Variants in PITPNA observed in about 807,000 individuals in gnomAD.
PITPNA encodes the protein phosphatidylinositol transfer protein alpha isoform.
In PITPNA, 13 loss-of-function variants were observed where a neutral mutation model predicts 50.3. That is an observed-to-expected ratio of 0.26 (90% confidence interval 0.17 to 0.41). The LOEUF (loss-of-function observed/expected upper bound fraction) is 0.41. Ranked by LOEUF, PITPNA falls within the 10% of genes least tolerant of loss-of-function variation. The pLI is 1.00. For synonymous variants in PITPNA, 120 were observed against 119.6 expected (o/e 1.00, Z -0.02); for missense variants, 207 against 333.4 (o/e 0.62, Z 2.95).
At chr17:1,557,224 T>C (rs532240108) in intron 2 of PITPNA, among the ~76,000 whole-genome samples, 1 of 152,054 alleles carries the variant, frequency 6.6e-6, no homozygotes, top group East Asian at 1.9e-4. Context: ...TCTTATCAGA[T>C]ATGTAGCCCA....
chr17:1,523,157 A>G (rs1407255936), intron 10 of PITPNA, among the ~76,000 whole-genome samples: 1 of 145,910 alleles, frequency 6.9e-6, no homozygotes, highest in Non-Finnish European at 1.5e-5. Flanking sequence ...CCAGGCAGAC[A>G]TCACTGGGGA....
At chr17:1,535,761 C>T (rs1385927906) in intron 7 of PITPNA, 2 of 529,670 alleles carry the variant, frequency 3.8e-6, no homozygotes, top group Non-Finnish European at 6.8e-6. Context: ...TATCACCAGA[C>T]TGTCTGAGCA....
chr17:1,560,661 G>A (rs1260764128), intron 1 of PITPNA, among the ~76,000 whole-genome samples: 1 of 152,154 alleles, frequency 6.6e-6, no homozygotes, highest in Non-Finnish European at 1.5e-5. Flanking sequence ...GTTCATTTGG[G>A]AACAGGAAAA....
Position 1,520,360 on chromosome 17 carries a change from G to A in PITPNA, c.*201C>T, listed in dbSNP as rs574308790. The A allele has an allele frequency of 1.1e-3, 174 of 152,520 alleles. 1 individual carries two copies. The highest frequency in any genetic ancestry group is 2.0e-3 in the Non-Finnish European group (136 of 68,032). The allele number at this position is 152,520 out of a possible 1,614,324, so 9.4% of individuals were successfully genotyped here. A position where few individuals can be genotyped will look rare whatever the true frequency, so the allele number is the denominator to read the frequency against. The stretch of plus-strand genomic sequence containing the variant: ...CGGAGGAGCAGGCTCCTGCACACGC[G>A]GGCTCTGTGACACCAGACGGTCTAT... On this transcript the variant is annotated 3_prime_UTR_variant, in exon 12 of 12. Transcript: ENST00000313486.
At chr17:1,561,307 T>G (rs1478168835) in intron 1 of PITPNA, 1 of 152,224 alleles carries the variant, frequency 6.6e-6, no homozygotes, top group Non-Finnish European at 1.5e-5. Context: ...AAACCCGTCA[T>G]CCTGCAACTC....
intron 1 of PITPNA, among the ~76,000 whole-genome samples, chr17:1,558,791 CA>C (rs1285089189): frequency 5.6e-4 from 67 of 118,814 alleles, no homozygotes; most frequent in African/African-American, 2.0e-3. Context: ...CCCCCCCCCC[CA>C]GAGAATGGCC....
At chr17:1,561,308 C>T (rs935254701) in intron 1 of PITPNA, 1 of 152,392 alleles carries the variant, frequency 6.6e-6, no homozygotes, top group African/African-American at 2.4e-5. Flanking sequence ...AACCCGTCAT[C>T]CTGCAACTCC....
chr17:1,544,682 A>G (rs1050520100), intron 4 of PITPNA, among the ~76,000 whole-genome samples: 5 of 152,252 alleles, frequency 3.3e-5, no homozygotes, highest in Non-Finnish European at 4.4e-5. Context: ...TCCCGCCTGG[A>G]ATCCCAGCAC....
chr17:1,534,250 C>T (rs1313180494), intron 9 of PITPNA, 29 bp from the exon 10 acceptor site: 3 of 1,613,034 alleles, frequency 1.9e-6, no homozygotes, highest in Non-Finnish European at 2.5e-6. Context: ...CACGTTAGAA[C>T]GCAGAAGGCA....
chr17:1,522,133 G>A (rs937285357), intron 10 of PITPNA, among the ~76,000 whole-genome samples: 3 of 148,664 alleles, frequency 2.0e-5, no homozygotes, highest in Non-Finnish European at 4.4e-5. Flanking sequence ...CTGCAGTGGC[G>A]CAATCTCGGC....
intron 3 of PITPNA, among the ~76,000 whole-genome samples, chr17:1,552,271 T>C (rs1347717712): frequency 6.6e-6 from 1 of 152,222 alleles, no homozygotes; most frequent in Non-Finnish European, 1.5e-5. Flanking sequence ...TTTAAAAAGA[T>C]TCAGGTTTAC....
chr17:1,556,795 T>C (rs980480218), intron 2 of PITPNA, among the ~76,000 whole-genome samples: 3 of 152,020 alleles, frequency 2.0e-5, no homozygotes, highest in African/African-American at 7.3e-5. Context: ...AAATCATCGC[T>C]TGCTATTTTC....
chr17:1,534,195 G>A lies in PITPNA; in HGVS notation c.672C>T (p.Phe224=). 1 of 1,613,860 alleles carries A rather than the reference G, an allele frequency of 6.2e-7. No homozygotes were observed. Among genetic ancestry groups the A allele is most frequent in the East Asian group, 2.2e-5 (1 of 44,868 alleles). ...CGAGCCAACAGAACAGCTGCCTGTG[G>A]AAGTTTGTAAACAGACGCCTCTCTT... The part of the protein sequence containing the change: ...HKQERRLFTN[F]HRQLFCWLDK... Residue 224 remains phenylalanine, a synonymous_variant, in exon 10 of 12, where the codon TTC becomes TTT. Transcript: ENST00000313486.
chr17:1,525,497 T>C (rs2075541859), intron 10 of PITPNA, among the ~76,000 whole-genome samples: 2 of 146,894 alleles, frequency 1.4e-5, no homozygotes, highest in African/African-American at 5.0e-5. Flanking sequence ...AGTTCTCCAC[T>C]GGGAAACTTT....
intron 2 of PITPNA, among the ~76,000 whole-genome samples, chr17:1,556,521 C>A (rs2075735616): frequency 6.6e-6 from 1 of 152,180 alleles, no homozygotes; most frequent in African/African-American, 2.4e-5. Context: ...CCAGGTGCTC[C>A]AGGACAGGCT....
At chr17:1,543,263 C>T (rs1009380031) in intron 4 of PITPNA, among the ~76,000 whole-genome samples, 3 of 152,164 alleles carry the variant, frequency 2.0e-5, no homozygotes, top group African/African-American at 7.2e-5. Context: ...ATTAAAGCGA[C>T]GCCGCTATGG....
chr17:1,546,051 C>T (rs2075672625), intron 4 of PITPNA, among the ~76,000 whole-genome samples: 1 of 151,436 alleles, frequency 6.6e-6, no homozygotes, highest in Non-Finnish European at 1.5e-5. Context: ...CCTCAGCCTC[C>T]CAAGTAGCTG....
intron 7 of PITPNA, among the ~76,000 whole-genome samples, chr17:1,536,945 A>G (rs1409164156): frequency 8.4e-6 from 1 of 119,432 alleles, no homozygotes; most frequent in Non-Finnish European, 1.7e-5. Context: ...GTCGCCCAGG[A>G]TGAAGTGCAG....
intron 1 of PITPNA, chr17:1,559,880 G>T (rs1399156574): frequency 6.9e-6 from 4 of 577,142 alleles, no homozygotes; most frequent in Non-Finnish European, 8.7e-6. Flanking sequence ...CCAGTTTACT[G>T]AATGCTGCCA....
Sources: gnomAD v4.1 joint callset for allele counts (sites outside exome capture counted in the v4.1 genomes callset) on GRCh38, gnomAD v4.1.1 for gene constraint, MANE v1.5 for transcripts, NCBI Gene and HGNC (gene_info 2026-07-23, HGNC 2026-07-21) for gene names.